SYT1: variants seen among roughly 807,000 people sequenced by gnomAD.
The protein encoded by SYT1 is synaptotagmin 1.
SYT1 carries 8 observed loss-of-function variants against 44.8 expected under a neutral mutation model. The ratio of observed to expected loss-of-function variants is 0.18; its 90% CI spans 0.10 to 0.32. The LOEUF is 0.32. Among genes scored for constraint, SYT1 ranks in the 10% least tolerant of loss-of-function variants. The probability of loss-of-function intolerance (pLI) is 1.00; values close to 1 mark genes in which losing one functional copy is unlikely to be tolerated. For missense variants in SYT1, 286 were observed against 509.3 expected (o/e 0.56, Z 4.22); for synonymous variants, 154 against 188.8 (o/e 0.82, Z 1.51).
intron 3 of SYT1, among the ~76,000 whole-genome samples, chr12:79,096,681 A>G (rs1325752295): frequency 2.0e-5 from 3 of 152,006 alleles, no homozygotes; most frequent in Non-Finnish European, 4.4e-5. Flanking sequence ...CATTTGGAGG[A>G]AAGAAACTAG....
At chr12:79,282,992 G>T (rs1304701024) in intron 4 of SYT1, among the ~76,000 whole-genome samples, 1 of 152,086 alleles carries the variant, frequency 6.6e-6, no homozygotes, top group African/African-American at 2.4e-5. Flanking sequence ...TACTGTGGGT[G>T]TTGTTTCTTA....
rs534467756 is a variant in SYT1, at chr12:79,329,541, A to G, written c.811-23961A>G. 1.1e-4 allele frequency among the ~76,000 whole-genome samples: 17 copies of G among 152,342 alleles called. No individual in the cohort carries two copies. The South Asian group carries it at 2.9e-3, about 26-fold the overall frequency. On this transcript the variant is annotated intron_variant, in intron 8 of 10. Transcript: ENST00000261205. ...AATGAAATAACTAGCATGCATGTAC[A>G]CTTTCCACATTCTAGGCACTGTTCT...
chr12:79,287,495 G>T (rs1357633299), intron 5 of SYT1, among the ~76,000 whole-genome samples: 3 of 152,058 alleles, frequency 2.0e-5, no homozygotes, highest in Non-Finnish European at 4.4e-5. Flanking sequence ...TAACCTCCTA[G>T]ATGGACATGG....
chr12:78,956,074 G>A (rs1018504973), intron 1 of SYT1, among the ~76,000 whole-genome samples: 1 of 151,838 alleles, frequency 6.6e-6, no homozygotes, highest in Admixed American at 6.6e-5. Context: ...CAGTATGAGG[G>A]TGCTTTACTT....
At chr12:78,989,519 A>G (rs1396074439) in intron 2 of SYT1, among the ~76,000 whole-genome samples, 1 of 152,072 alleles carries the variant, frequency 6.6e-6, no homozygotes, top group East Asian at 1.9e-4. Flanking sequence ...CAAGCATCAT[A>G]TCCTCCCATG....
At chr12:79,421,453 A>T (rs982613196) in intron 9 of SYT1, among the ~76,000 whole-genome samples, 2 of 152,130 alleles carry the variant, frequency 1.3e-5, no homozygotes, top group African/African-American at 4.8e-5. Context: ...CTGGAGTTCA[A>T]AGGTCACACT....
intron 9 of SYT1, among the ~76,000 whole-genome samples, chr12:79,427,692 G>C (rs958826430): frequency 4.6e-5 from 7 of 152,118 alleles, no homozygotes; most frequent in Non-Finnish European, 1.5e-5. Flanking sequence ...TAATTGAAGA[G>C]GTATGGGAAA....
At chr12:79,446,340 A>G (rs1398796038) in intron 10 of SYT1, among the ~76,000 whole-genome samples, 2 of 151,976 alleles carry the variant, frequency 1.3e-5, no homozygotes, top group African/African-American at 4.8e-5. Context: ...TAGAAAATAG[A>G]TCTAACAATA....
chr12:78,954,942 T>A (rs1053629077), intron 1 of SYT1, among the ~76,000 whole-genome samples: 35 of 152,134 alleles, frequency 2.3e-4, no homozygotes, highest in Non-Finnish European at 5.9e-5. Flanking sequence ...AATTTTTATT[T>A]TAATGATAAC....
chr12:78,963,448 T>G (rs1029875636), intron 1 of SYT1, among the ~76,000 whole-genome samples: 1 of 152,012 alleles, frequency 6.6e-6, no homozygotes, highest in Non-Finnish European at 1.5e-5. Flanking sequence ...ATGTAGGAAC[T>G]CCTACAAATC....
At chr12:79,269,673 T>C (rs575280339) in intron 4 of SYT1, among the ~76,000 whole-genome samples, 1 of 151,872 alleles carries the variant, frequency 6.6e-6, no homozygotes, top group East Asian at 1.9e-4. Flanking sequence ...GGGTACCACA[T>C]ATTACCAACT....
chr12:79,026,699 A>ATATATC (rs1164483809), intron 2 of SYT1, among the ~76,000 whole-genome samples: 37 of 130,636 alleles, frequency 2.8e-4, no homozygotes, highest in African/African-American at 1.0e-3. Flanking sequence ...ATATATATAT[A>ATATATC]TATCACACTT....
At chr12:79,070,542 T>G (rs981462965) in intron 3 of SYT1, among the ~76,000 whole-genome samples, 8 of 152,146 alleles carry the variant, frequency 5.3e-5, no homozygotes, top group Non-Finnish European at 1.2e-4. Context: ...GAGGTTACAC[T>G]TCTATTCTAA....
In SYT1 at chr12:79,249,659, T is replaced by C. The variant is rs74107388; in HGVS notation, c.166+31974T>C. 3.7e-3 allele frequency among the ~76,000 whole-genome samples: 570 copies of C among 152,284 alleles called. 8 individuals carry two copies. Among genetic ancestry groups the C allele is most frequent in the African/African-American group, 0.013 (554 of 41,544 alleles). ...GGATGTAGAAACAAGGGTCTTGTCA[T>C]TTGCAGATAACCAAGCAGGTAATGT... On this transcript the variant is annotated intron_variant, in intron 4 of 10. Transcript: ENST00000261205.
At chr12:79,319,328 A>G (rs1274053601) in intron 8 of SYT1, among the ~76,000 whole-genome samples, 1 of 152,168 alleles carries the variant, frequency 6.6e-6, no homozygotes, top group Non-Finnish European at 1.5e-5. Flanking sequence ...ACTCACAACA[A>G]CACTGTGGGG....
At chr12:78,888,680 T>TTA (rs1874879518) in intron 1 of SYT1, among the ~76,000 whole-genome samples, 1 of 151,916 alleles carries the variant, frequency 6.6e-6, no homozygotes. Context: ...GAACTCCTCT[T>TTA]TACTTTTTAT....
chr12:79,330,470 G>A (rs1174195722), intron 8 of SYT1, among the ~76,000 whole-genome samples: 2 of 152,180 alleles, frequency 1.3e-5, no homozygotes, highest in African/African-American at 2.4e-5. Context: ...ATAGAAGAAA[G>A]AGCATGGATG....
intron 9 of SYT1, among the ~76,000 whole-genome samples, chr12:79,365,345 A>T (rs1306062661): frequency 1.3e-5 from 2 of 152,102 alleles, no homozygotes; most frequent in African/African-American, 4.8e-5. Flanking sequence ...GTATCATGGT[A>T]TATTTAGTAA....
At chr12:79,416,632 T>C (rs372734307) in intron 9 of SYT1, among the ~76,000 whole-genome samples, 1 of 152,180 alleles carries the variant, frequency 6.6e-6, no homozygotes, top group African/African-American at 2.4e-5. Flanking sequence ...AGGCTTCTCA[T>C]ACATAATTTG....
Sources: allele counts gnomAD v4.1 joint callset (sites outside exome capture counted in the v4.1 genomes callset), GRCh38; gene constraint gnomAD v4.1.1; transcripts MANE v1.5; gene names NCBI Gene and HGNC (gene_info 2026-07-23, HGNC 2026-07-21).